The following NF2 variants were observed in gnomAD, a reference collection of about 807,000 sequenced individuals.
NF2 encodes merlin.
Under a neutral mutation model 83.7 loss-of-function variants are expected in NF2, and 8 were observed. That is an observed-to-expected ratio of 0.10 (90% CI 0.06 to 0.17). NF2 has a LOEUF of 0.17. Among genes scored for constraint, NF2 ranks in the 10% least tolerant of loss-of-function variants. The pLI is 1.00. For synonymous variants in NF2, 266 were observed against 269.6 expected (o/e 0.99, Z 0.13); for missense variants, 533 against 744.4 (o/e 0.72, Z 3.31).
intron 15 of NF2, among the ~76,000 whole-genome samples, chr22:29,691,774 G>A (rs927886704): frequency 6.6e-6 from 1 of 152,224 alleles, no homozygotes; most frequent in African/African-American, 2.4e-5. Flanking sequence ...CATGCTCCGC[G>A]GGGTGGCTTC....
intron 2 of NF2, among the ~76,000 whole-genome samples, chr22:29,638,870 TATTG>T (rs1483369443): frequency 1.3e-5 from 2 of 152,238 alleles, no homozygotes; most frequent in Admixed American, 6.5e-5. Flanking sequence ...TTCTTGGGGC[TATTG>T]ATTAATTTGT....
chr22:29,608,278 TA>T (rs1297549173), intron 1 of NF2, among the ~76,000 whole-genome samples: 1 of 151,180 alleles, frequency 6.6e-6, no homozygotes, highest in Non-Finnish European at 1.5e-5. Context: ...AAGAATTCGT[TA>T]ATTTTTTTTT....
At chr22:29,656,653 C>A (rs1386005274) in intron 6 of NF2, among the ~76,000 whole-genome samples, 2 of 152,080 alleles carry the variant, frequency 1.3e-5, no homozygotes, top group Admixed American at 6.6e-5. Flanking sequence ...ACCTCGTGAT[C>A]TGCCTGCCTC....
At chr22:29,639,656 G>A (rs879562448) in intron 3 of NF2, among the ~76,000 whole-genome samples, 12 of 151,822 alleles carry the variant, frequency 7.9e-5, no homozygotes, top group Non-Finnish European at 1.3e-4. Context: ...AGGCCGAGGC[G>A]GGCAGATCAC....
chr22:29,697,778 C>T lies in NF2; in HGVS notation c.*2976C>T, dbSNP rs1342659890. The T allele has an allele frequency of 1.1e-5, 2 of 178,840 alleles. No individual in the cohort carries two copies. Among genetic ancestry groups the T allele is most frequent in the Non-Finnish European group, 2.4e-5 (2 of 83,452 alleles). 11.1% of individuals were successfully genotyped at this position (178,840 alleles called of 1,614,324 possible). On this transcript the variant is annotated 3_prime_UTR_variant, in exon 16 of 16. Coordinates refer to ENST00000338641, the MANE Select transcript of NF2 (RefSeq NM_000268.4). ...ACGGGGTTTCTCCATGTCGGTCAGG[C>T]TGGTCTCGAACTCCCGACCTCAGGT... is the stretch of plus-strand genomic sequence containing the variant.
At chr22:29,679,399 T>C (rs1338043659) in intron 14 of NF2, among the ~76,000 whole-genome samples, 1 of 152,256 alleles carries the variant, frequency 6.6e-6, no homozygotes, top group Non-Finnish European at 1.5e-5. Flanking sequence ...TCATATCTGC[T>C]GTCCATGTTC....
intron 1 of NF2, among the ~76,000 whole-genome samples, chr22:29,624,194 A>G (rs1344680561): frequency 1.3e-5 from 2 of 152,080 alleles, no homozygotes; most frequent in African/African-American, 4.8e-5. Context: ...TATCTTTTTT[A>G]TAGGGTTTTT....
At chr22:29,661,122 T>C (rs2147005836) in intron 7 of NF2, 83 bp from the exon 8 acceptor site, 3 of 1,588,042 alleles carry the variant, frequency 1.9e-6, no homozygotes, top group Non-Finnish European at 8.6e-7. Context: ...CATGTGACAG[T>C]GTGTGCCAGA....
chr22:29,636,154 G>A lies in NF2; in HGVS notation c.115-597G>A, dbSNP rs1432571539. ...AGTTTGAATTTGCTCTGGGTGACTGGGTGAGTAGCTTCCCCTTTGGCCTCA... is the reference window on the plus strand; with the variant it reads ...AGTTTGAATTTGCTCTGGGTGACTGAGTGAGTAGCTTCCCCTTTGGCCTCA... On this transcript the variant is annotated intron_variant, in intron 1 of 15. Transcript: ENST00000338641. The surrounding 1 kb of genome is among the most constrained non-coding windows in gnomAD (Gnocchi z 4.4). 6.6e-6 allele frequency among the ~76,000 whole-genome samples: 1 copy of A among 152,070 alleles called. No individual in the cohort carries two copies. Among genetic ancestry groups the A allele is most frequent in the African/African-American group, 2.4e-5 (1 of 41,386 alleles).
chr22:29,684,442 C>G (rs547233374), intron 15 of NF2, among the ~76,000 whole-genome samples: 2 of 152,262 alleles, frequency 1.3e-5, no homozygotes, highest in East Asian at 3.9e-4. Context: ...GCCAGGTGTT[C>G]CCTCCATGGG....
At chr22:29,676,340 ATT>A (rs998134865) in intron 13 of NF2, among the ~76,000 whole-genome samples, 1 of 147,456 alleles carries the variant, frequency 6.8e-6, no homozygotes. Context: ...CGCCCAGCTA[ATT>A]TTTTTTTTTA....
intron 10 of NF2, among the ~76,000 whole-genome samples, chr22:29,670,840 G>C (rs2066762134): frequency 6.6e-6 from 1 of 152,152 alleles, no homozygotes; most frequent in Non-Finnish European, 1.5e-5. Flanking sequence ...ACACGGGGCT[G>C]TGTTTCCCGC....
intron 1 of NF2, chr22:29,609,014 T>G: frequency 1.5e-6 from 1 of 686,670 alleles, no homozygotes; most frequent in South Asian, 1.6e-5. Context: ...CGGAATGTAA[T>G]GGATGAACAT....
intron 1 of NF2, among the ~76,000 whole-genome samples, chr22:29,606,577 A>G (rs1360469329): frequency 6.6e-6 from 1 of 152,212 alleles, no homozygotes; most frequent in African/African-American, 2.4e-5. Flanking sequence ...TTTGCAACAC[A>G]GTGTGGAGAA....
At chr22:29,664,645 T>A (rs1205747455) in intron 8 of NF2, among the ~76,000 whole-genome samples, 1 of 152,228 alleles carries the variant, frequency 6.6e-6, no homozygotes, top group Non-Finnish European at 1.5e-5. Context: ...AACTAGATGG[T>A]GAGCTTCATG....
rs765685231 is a variant in NF2 at position 29,636,708 on chromosome 22, A to AT, written c.115-38dup. ...GTGCAGAGAAAAGGTTTTATTAATG[A>AT]TTTTTGCTCACAGTGTCCTTCCCCA... On this transcript the variant is annotated intron_variant, in intron 1 of 15. Coordinates refer to ENST00000338641, the MANE Select transcript of NF2 (RefSeq NM_000268.4). The surrounding 1 kb of genome is among the most constrained non-coding windows in gnomAD (Gnocchi z 4.4). 6.2e-7 allele frequency: 1 copy of AT among 1,613,872 alleles called. No individual in the cohort carries two copies. Among genetic ancestry groups the AT allele is most frequent in the South Asian group, 1.1e-5 (1 of 91,078 alleles).
intron 15 of NF2, 147 bp downstream of exon 15, chr22:29,681,748 C>T (rs2067143802): frequency 3.2e-6 from 3 of 925,292 alleles, no homozygotes. Context: ...TTAACTTATG[C>T]CAGAAAGGGA....
intron 14 of NF2, among the ~76,000 whole-genome samples, chr22:29,681,054 CTT>C (rs572113720): frequency 1.4e-5 from 2 of 143,660 alleles, no homozygotes; most frequent in African/African-American, 2.5e-5. Context: ...CTTTCCTTTT[CTT>C]TTTTTTTTTT....
At chr22:29,624,913 CTCTCTCTCTT>C (rs1488959567) in intron 1 of NF2, among the ~76,000 whole-genome samples, 13 of 149,048 alleles carry the variant, frequency 8.7e-5, no homozygotes, top group African/African-American at 3.2e-4. Context: ...CTCTCTCTCT[CTCTCTCTCTT>C]TCTTTCTTTC....
Sources: allele counts gnomAD v4.1 joint callset (sites outside exome capture counted in the v4.1 genomes callset), GRCh38; gene constraint gnomAD v4.1.1; non-coding constraint Gnocchi (gnomAD v3.1); transcripts MANE v1.5; gene names NCBI Gene and HGNC (gene_info 2026-07-23, HGNC 2026-07-21).